LRWD1: variants seen among roughly 807,000 people sequenced by gnomAD.
LRWD1 encodes the protein leucine-rich repeat and WD repeat-containing protein 1.
A neutral mutation model predicts 75.6 loss-of-function variants in LRWD1; 76 were observed. That is an observed-to-expected ratio of 1.01 (90% CI 0.84 to 1.22). LRWD1 has a LOEUF of 1.22. LRWD1 is among the 50% of genes most tolerant of loss of function. The pLI, the probability that LRWD1 is intolerant of heterozygous loss-of-function variation, is 0.00. For missense variants in LRWD1, 917 were observed against 862.0 expected (o/e 1.06, Z -0.80); for synonymous variants, 487 against 377.0 (o/e 1.29, Z -3.38).
At position 102,469,050 on chromosome 7, in the gene LRWD1, A is replaced by G. The variant is rs1488296900; in HGVS notation, c.1216A>G (p.Thr406Ala). 6.2e-7 allele frequency: 1 copy of G among 1,604,978 alleles called. No homozygotes were observed. Among genetic ancestry groups the G allele is most frequent in the South Asian group, 1.1e-5 (1 of 90,246 alleles). The change falls in exon 9 of 15, where the codon ACC becomes GCC. Residue 406 changes from threonine to alanine, a missense_variant. Thr to Ala is a moderately conservative substitution (Grantham distance 58). Transcript: ENST00000292616. ...CCTGTGCTTCAGCCCCGCCCACGAG[A>G]CCCATCTCTTCAGTAAGCCCCTCCC... ...ATLCFSPAHE[T>A]HLFTASYDKR... is the part of the protein sequence containing the mutation.
rs763778453 is a variant in LRWD1, at chr7:102,469,768, C to CT, written c.1329dup (p.Ile444TyrfsTer41). On this transcript the variant is annotated frameshift_variant, in exon 11 of 15. Transcript: ENST00000292616. LOFTEE classifies it high-confidence loss of function. The stretch of plus-strand genomic sequence containing the variant: ...CAGCTGCTCACACTGGACACCACCT[C>CT]TATCCCCCTGCGCCTCTGCCCTGTC... 1 of 1,610,016 alleles carries CT rather than the reference C, an allele frequency of 6.2e-7. No individual in the cohort carries two copies. Among genetic ancestry groups the CT allele is most frequent in the Non-Finnish European group, 8.5e-7 (1 of 1,177,496 alleles).
Position 102,469,016 on chromosome 7 carries a change from C to T in LRWD1, c.1182C>T (p.Ala394=). The T allele has an allele frequency of 6.2e-7, 1 of 1,610,068 alleles. No individual in the cohort carries two copies. The highest frequency in any genetic ancestry group is 2.2e-5 in the East Asian group (1 of 44,748). ...CCGVIRAHKK[A]IATLCFSPAH... ...GGGTCATCCGAGCCCACAAGAAGGCCATCGCCACCCTGTGCTTCAGCCCCG... is the reference window on the plus strand; with the variant it reads ...GGGTCATCCGAGCCCACAAGAAGGCTATCGCCACCCTGTGCTTCAGCCCCG... Residue 394 remains alanine, a synonymous_variant, in exon 9 of 15, where the codon GCC becomes GCT. Coordinates refer to ENST00000292616, the MANE Select transcript of LRWD1 (RefSeq NM_152892.3).
chr7:102,472,389 G>C, intron 12 of LRWD1, 65 bp from the exon 13 acceptor site: 2 of 1,550,628 alleles, frequency 1.3e-6, no homozygotes, highest in East Asian at 4.9e-5. Context: ...GGCTTCTGAG[G>C]ATCTCTAGTG....
rs1797972336 is a variant in LRWD1 at position 102,466,264 on chromosome 7, C to T, written c.426C>T (p.Thr142=). The T allele has an allele frequency of 1.2e-6, 2 of 1,613,094 alleles. No individual in the cohort carries two copies. The highest frequency in any genetic ancestry group is 1.7e-6 in the Non-Finnish European group (2 of 1,179,168). The stretch of plus-strand genomic sequence containing the variant: ...TGGAGAACCTGAATCGGGAGCTGAC[C>T]AGCAGGGTAAGGGGATGAGAGGATT... The part of the protein sequence containing the change: ...SQVENLNREL[T]SRVTAHWEKF... The change falls in exon 3 of 15, where the codon ACC becomes ACT. Residue 142 remains threonine (T), a synonymous_variant. Transcript: ENST00000292616.
chr7:102,469,458 C>T, intron 9 of LRWD1, 116 bp from the exon 10 acceptor site: 3 of 1,205,984 alleles, frequency 2.5e-6, no homozygotes, highest in Non-Finnish European at 2.4e-6. Flanking sequence ...CTCGGCCCGC[C>T]CTCCCCGCCT....
chr7:102,467,252 T>TG (rs1798036709), intron 3 of LRWD1, 87 bp from the exon 4 acceptor site: 1 of 1,438,658 alleles, frequency 7.0e-7, no homozygotes, highest in Non-Finnish European at 9.4e-7. Flanking sequence ...TTCCAGCAGG[T>TG]GGCGGGATTG....
intron 12 of LRWD1, 37 bp downstream of exon 12, chr7:102,472,346 G>T: frequency 6.4e-7 from 1 of 1,554,446 alleles, no homozygotes; most frequent in South Asian, 1.2e-5. Flanking sequence ...CCTGGCCTCC[G>T]GGCACACAGA....
chr7:102,469,902 G>A lies in LRWD1; in HGVS notation c.1442+20G>A, dbSNP rs750218917. ...GAGGAGGTGAGGCTGGGCAGGGGGC[G>A]CCTTGGAAGCCAGGCCTCTGCAGAG... On this transcript the variant is annotated intron_variant, in intron 11 of 14. Coordinates refer to ENST00000292616, the MANE Select transcript of LRWD1 (RefSeq NM_152892.3). 27 of 1,503,364 alleles carry A rather than the reference G, an allele frequency of 1.8e-5. No individual in the cohort carries two copies. Among genetic ancestry groups the A allele is most frequent in the Non-Finnish European group, 2.1e-5 (24 of 1,128,366 alleles). 93.1% of individuals were successfully genotyped at this position (1,503,364 alleles called of 1,614,324 possible).
At position 102,469,804 on chromosome 7, in the gene LRWD1, C is replaced by G. The variant is rs778503361; in HGVS notation, c.1364C>G (p.Pro455Arg). 6.2e-7 allele frequency: 1 copy of G among 1,608,114 alleles called. No homozygotes were observed. Among genetic ancestry groups the G allele is most frequent in the Non-Finnish European group, 8.5e-7 (1 of 1,177,366 alleles). The change falls in exon 11 of 15, where the codon CCG becomes CGG. Residue 455 changes from proline to arginine, a missense_variant. Pro to Arg is a moderately radical substitution (Grantham distance 103). Transcript: ENST00000292616. ...CGCCTCTGCCCTGTCGCCTCCTGCC[C>G]GGACGCCCGCCTGCTGGCCGGCTGC... The part of the protein sequence containing the change: ...PLRLCPVASC[P>R]DARLLAGCEG...
At position 102,473,013 on chromosome 7, in the gene LRWD1, G is replaced by C; in HGVS notation, c.1908G>C (p.Thr636=). The C allele has an allele frequency of 6.2e-7, 1 of 1,614,012 alleles. No individual in the cohort carries two copies. Among genetic ancestry groups the C allele is most frequent in the Non-Finnish European group, 8.5e-7 (1 of 1,179,960 alleles). ...NASFTYLTAL[T]DSNIVAIWGR... is the part of the protein sequence containing the mutation. The stretch of plus-strand genomic sequence containing the variant: ...CCTTCACCTACCTCACCGCCCTGAC[G>C]GACTCCAACATCGTAGCCATCTGGG... The change falls in exon 15 of 15, where the codon ACG becomes ACC. Residue 636 remains threonine, a synonymous_variant. Transcript: ENST00000292616.
In LRWD1 at chr7:102,473,062, G is replaced by A. The variant is rs146938090; in HGVS notation, c.*13G>A. ...GGGGAGGATGTAGCCTCACACCATC[G>A]CAAAGGACCAGGGACACAGCTAACT... On this transcript the variant is annotated 3_prime_UTR_variant, in exon 15 of 15. Coordinates refer to ENST00000292616, the MANE Select transcript of LRWD1 (RefSeq NM_152892.3). 4.7e-3 allele frequency: 7,551 copies of A among 1,601,856 alleles called. 65 individuals carry two copies. Among genetic ancestry groups the A allele is most frequent in the Non-Finnish European group, 4.3e-3 (5,018 of 1,173,806 alleles).
At position 102,468,257 on chromosome 7, in the gene LRWD1, C is replaced by CCACAGCCTGCTGTGAAGCTGGAGCCCA; in HGVS notation, c.825_826insACACAGCCTGCTGTGAAGCTGGAGCCC. The CCACAGCCTGCTGTGAAGCTGGAGCCCA allele has an allele frequency of 1.2e-6, 2 of 1,605,208 alleles. No individual in the cohort carries two copies. The highest frequency in any genetic ancestry group is 3.3e-4 in the Middle Eastern group (2 of 6,040). On this transcript the variant is annotated splice_region_variant and splice_polypyrimidine_tract_variant and intron_variant, in intron 6 of 14. Transcript: ENST00000292616. ...GGGCAGCTGTGACCCTTCTCTCCCC[C>CCACAGCCTGCTGTGAAGCTGGAGCCCA]CACAGCCTGCTGTGAAGCTGGAGCC... is the stretch of plus-strand genomic sequence containing the variant.
chr7:102,472,714 G>A lies in LRWD1; in HGVS notation c.1713G>A (p.Gly571=). Reference sequence around the variant, plus strand: ...CAGATAAGGGGATTGTGCTCTGTGGGGATGAGGAGGGCAACGTGTGGCTCT... The same window carrying A: ...CAGATAAGGGGATTGTGCTCTGTGGAGATGAGGAGGGCAACGTGTGGCTCT... ...ACPDKGIVLC[G]DEEGNVWLYD... The change falls in exon 14 of 15, where the codon GGG becomes GGA. Residue 571 remains glycine, a synonymous_variant. Transcript: ENST00000292616. 6.2e-7 allele frequency: 1 copy of A among 1,613,578 alleles called. No individual in the cohort carries two copies. Among genetic ancestry groups the A allele is most frequent in the Non-Finnish European group, 8.5e-7 (1 of 1,179,950 alleles).
At chr7:102,465,488 GCTTTTT>G (rs1190632194) in intron 1 of LRWD1, 2,411 of 108,004 alleles carry the variant, frequency 0.022, 607 homozygotes, top group East Asian at 0.15. Flanking sequence ...AGTAGTTGCA[GCTTTTT>G]TTTTTTTTTT....
Position 102,468,880 on chromosome 7 carries a change from C to T in LRWD1, c.1046C>T (p.Ala349Val), listed in dbSNP as rs746321891. Reference protein sequence around the residue: ...GEEFFSVAWTALMVVTQAGHK... With the variant: ...GEEFFSVAWTVLMVVTQAGHK... ...GAGTTCTTTTCTGTGGCCTGGACCG[C>T]TCTGATGGTGGTCACACAGGCTGGC... The change falls in exon 9 of 15, where the codon GCT (alanine) becomes GTT (valine). Residue 349 changes from alanine to valine, a missense_variant. Physicochemically the swap from Ala to Val is moderately conservative, Grantham distance 64. Coordinates refer to ENST00000292616, the MANE Select transcript of LRWD1 (RefSeq NM_152892.3). 1.7e-5 allele frequency: 28 copies of T among 1,612,544 alleles called. No individual in the cohort carries two copies. Among genetic ancestry groups the T allele is most frequent in the Non-Finnish European group, 2.0e-5 (24 of 1,179,996 alleles).
At position 102,472,779 on chromosome 7, in the gene LRWD1, C is replaced by G; in HGVS notation, c.1778C>G (p.Pro593Arg). The G allele has an allele frequency of 1.2e-6, 2 of 1,613,388 alleles. No individual in the cohort carries two copies. Among genetic ancestry groups the G allele is most frequent in the Non-Finnish European group, 1.7e-6 (2 of 1,179,916 alleles). ...ATCCTGAAGCAGCCACCCCTGCTGC[C>G]GGCAGCCCTGCAGGCCCCCACACAG... Reference protein sequence around the residue: ...SNILKQPPLLPAALQAPTQIL... With the variant: ...SNILKQPPLLRAALQAPTQIL... Residue 593 changes from proline (P) to arginine (R), a missense_variant, in exon 14 of 15, where the codon CCG (proline) becomes CGG (arginine). By Grantham distance (103) the Pro-to-Arg change is moderately radical. Transcript: ENST00000292616.
rs897870039 is a variant in LRWD1, at chr7:102,473,109, A to G, written c.*60A>G. On this transcript the variant is annotated 3_prime_UTR_variant, in exon 15 of 15. Transcript: ENST00000292616. The stretch of plus-strand genomic sequence containing the variant: ...AACTAACTTATTCAGCTTTGGGCCG[A>G]TGGGGGTGGGGGGGGGTCTTTCAGT... The G allele has an allele frequency of 8.8e-7, 1 of 1,134,410 alleles. No homozygotes were observed. The highest frequency in any genetic ancestry group is 1.2e-6 in the Non-Finnish European group (1 of 806,804). 70.3% of individuals were successfully genotyped at this position (1,134,410 alleles called of 1,614,324 possible). A position where few individuals can be genotyped will look rare whatever the true frequency, so the allele number is the denominator to read the frequency against.
chr7:102,472,745 G>A lies in LRWD1; in HGVS notation c.1744G>A (p.Val582Ile), dbSNP rs767161528. Residue 582 changes from valine to isoleucine, a missense_variant, in exon 14 of 15, where the codon GTC becomes ATC. Coordinates refer to ENST00000292616, the MANE Select transcript of LRWD1 (RefSeq NM_152892.3). ...DEEGNVWLYDVSNILKQPPLL... is the reference protein window; with the variant it reads ...DEEGNVWLYDISNILKQPPLL... ...GGAGGGCAACGTGTGGCTCTACGAC[G>A]TCAGCAACATCCTGAAGCAGCCACC... 42 of 1,613,376 alleles carry A rather than the reference G, an allele frequency of 2.6e-5. No homozygotes were observed. The highest frequency in any genetic ancestry group is 5.5e-5 in the South Asian group (5 of 91,090).
rs747880474 is a variant in LRWD1, at chr7:102,469,640, A to G, written c.1295A>G (p.Gln432Arg). 19 of 1,614,050 alleles carry G rather than the reference A, an allele frequency of 1.2e-5. 1 individual carries two copies. In the South Asian group the frequency reaches 2.0e-4, roughly 17 times the overall value. Residue 432 changes from glutamine to arginine, a missense_variant, in exon 10 of 15, where the codon CAG becomes CGG. Gln to Arg is a conservative substitution (Grantham distance 43). Transcript: ENST00000292616. ...GTGCCCAACCAGGACTACGAATTCC[A>G]GGCCAGGTGATGCTTCGGGTGAGGC... Reference protein sequence around the residue: ...IGVPNQDYEFQASQLLTLDTT... With the variant: ...IGVPNQDYEFRASQLLTLDTT...
Sources: allele counts gnomAD v4.1 joint callset, GRCh38; gene constraint gnomAD v4.1.1; transcripts MANE v1.5; gene names NCBI Gene and HGNC (gene_info 2026-07-23, HGNC 2026-07-21).